Variants in MAPK10 observed in about 807,000 individuals in gnomAD.
MAPK10 encodes JNK3 alpha protein kinase.
MAPK10 carries 25 observed loss-of-function variants against 59.3 expected under a neutral mutation model. That is an observed-to-expected ratio of 0.42 (90% CI 0.31 to 0.59). The LOEUF (loss-of-function observed/expected upper bound fraction) is 0.59, where lower values mean the gene tolerates loss of function less well. Ranked by LOEUF, MAPK10 falls within the 20% of genes least tolerant of loss-of-function variation. The pLI, the probability that MAPK10 is intolerant of heterozygous loss-of-function variation, is 0.15. For missense variants in MAPK10, 351 were observed against 568.9 expected (o/e 0.62, Z 3.90); for synonymous variants, 190 against 200.5 (o/e 0.95, Z 0.44).
intron 9 of MAPK10, among the ~76,000 whole-genome samples, chr4:86,073,655 A>G (rs893742112): frequency 2.7e-5 from 3 of 110,724 alleles, no homozygotes; most frequent in Admixed American, 8.4e-5. Context: ...TTATGTACCC[A>G]GTAGTCATTC....
intron 2 of MAPK10, among the ~76,000 whole-genome samples, chr4:86,341,838 C>CCT (rs36101511): frequency 6.8e-6 from 1 of 148,066 alleles, no homozygotes; most frequent in African/African-American, 2.5e-5. Context: ...AAAAAAACAC[C>CCT]GGCAGCTACT....
intron 2 of MAPK10, chr4:86,327,518 T>C (rs1351017002): frequency 6.6e-6 from 1 of 152,082 alleles, no homozygotes; most frequent in Non-Finnish European, 1.5e-5. Context: ...ACTATCTTTT[T>C]TTTTTGCAAA....
intron 11 of MAPK10, among the ~76,000 whole-genome samples, chr4:86,040,258 A>G (rs2148937617): frequency 6.6e-6 from 1 of 152,316 alleles, no homozygotes; most frequent in Admixed American, 6.5e-5. Flanking sequence ...TTACAGGGAA[A>G]CAATTTCATA....
chr4:86,315,482 C>T (rs57869802), intron 2 of MAPK10, among the ~76,000 whole-genome samples: 46,198 of 151,862 alleles, frequency 0.3, 7,476 homozygotes, highest in Non-Finnish European at 0.37. Flanking sequence ...TTATGCATTA[C>T]ATGCCTGTAT....
chr4:86,343,248 A>T (rs552911939), intron 2 of MAPK10, among the ~76,000 whole-genome samples: 1 of 152,280 alleles, frequency 6.6e-6, no homozygotes, highest in South Asian at 2.1e-4. Flanking sequence ...CAGCTCCTCC[A>T]TGTTTAGTCT....
At chr4:86,518,253 C>A (rs1756851928) in intron 1 of MAPK10, among the ~76,000 whole-genome samples, 2 of 152,190 alleles carry the variant, frequency 1.3e-5, no homozygotes, top group Non-Finnish European at 2.9e-5. Context: ...GAAATCCTGG[C>A]CTCAAGTGAT....
At chr4:86,245,670 A>T (rs1225977124) in intron 2 of MAPK10, among the ~76,000 whole-genome samples, 1 of 152,064 alleles carries the variant, frequency 6.6e-6, no homozygotes, top group East Asian at 1.9e-4. Context: ...ACATATCTCT[A>T]TCTTTAGTTA....
intron 1 of MAPK10, among the ~76,000 whole-genome samples, chr4:86,425,578 G>A (rs1254525032): frequency 1.3e-5 from 2 of 152,054 alleles, no homozygotes; most frequent in Non-Finnish European, 2.9e-5. Flanking sequence ...CTTAGCCTAT[G>A]GATTCTCTTC....
At chr4:86,397,710 T>C (rs917698202) in intron 1 of MAPK10, among the ~76,000 whole-genome samples, 1 of 151,962 alleles carries the variant, frequency 6.6e-6, no homozygotes, top group Non-Finnish European at 1.5e-5. Context: ...TTTTTCTGTA[T>C]GTTAATAGGT....
rs933731562 is a variant in MAPK10, at chr4:86,139,001, A to T, written c.236+20297T>A. On this transcript the variant is annotated intron_variant, in intron 4 of 13. Transcript: ENST00000641462. ...GGATGTGAAGGACCTCTTCAAGGAG[A>T]ACTACAAACCACTGCTCAAAGAAAT... is the stretch of plus-strand genomic sequence containing the variant. Among the ~76,000 whole-genome samples, 200 of 62,960 alleles carry T rather than the reference A, an allele frequency of 3.2e-3. 54 individuals are homozygous for T. The highest frequency in any genetic ancestry group is 8.3e-3 in the Non-Finnish European group (165 of 19,798). The allele number at this position is 62,960 out of a possible 152,430, so 41.3% of individuals were successfully genotyped here. A position where few individuals can be genotyped will look rare whatever the true frequency, so the allele number is the denominator to read the frequency against.
intron 2 of MAPK10, among the ~76,000 whole-genome samples, chr4:86,256,462 T>G (rs1462648276): frequency 6.6e-6 from 1 of 152,124 alleles, no homozygotes; most frequent in Non-Finnish European, 1.5e-5. Flanking sequence ...TCTCTTTCTG[T>G]TTTGCTTATT....
rs1446409018 is a variant in MAPK10 at position 86,359,670 on chromosome 4, G to C, written c.-134C>G. On this transcript the variant is annotated 5_prime_UTR_variant, in exon 1 of 14. Transcript: ENST00000641462. Reference sequence around the variant, plus strand: ...AAGAGCCACCTACCATTCCGTGCCTGAGAACTACGATCCTGATCCGGCAGT... The same window carrying C: ...AAGAGCCACCTACCATTCCGTGCCTCAGAACTACGATCCTGATCCGGCAGT... The C allele has an allele frequency of 1.0e-6, 1 of 985,732 alleles. No individual in the cohort carries two copies. The allele number at this position is 985,732 out of a possible 1,614,324, so 61.1% of individuals were successfully genotyped here.
At chr4:86,260,441 T>C (rs1467789304) in intron 2 of MAPK10, among the ~76,000 whole-genome samples, 1 of 152,138 alleles carries the variant, frequency 6.6e-6, no homozygotes, top group Non-Finnish European at 1.5e-5. Flanking sequence ...CTAAATAAAT[T>C]TGAGAATCTC....
At chr4:86,495,806 C>A (rs1427344430) in intron 1 of MAPK10, among the ~76,000 whole-genome samples, 1 of 152,026 alleles carries the variant, frequency 6.6e-6, no homozygotes, top group East Asian at 1.9e-4. Context: ...ATTACATCTC[C>A]TTGGTATTTT....
chr4:86,473,426 G>T (rs1424965021), intron 1 of MAPK10, among the ~76,000 whole-genome samples: 2 of 152,110 alleles, frequency 1.3e-5, no homozygotes, highest in Non-Finnish European at 2.9e-5. Context: ...GTATAGAAAG[G>T]TTTTTTATTT....
chr4:86,207,789 C>A (rs7684570), intron 2 of MAPK10, among the ~76,000 whole-genome samples: 12,901 of 152,000 alleles, frequency 0.085, 1,217 homozygotes, highest in African/African-American at 0.23. Flanking sequence ...ATTCCTAGGT[C>A]TTTTATTCTC....
At chr4:86,531,028 A>G (rs1757814773) in intron 1 of MAPK10, among the ~76,000 whole-genome samples, 2 of 152,214 alleles carry the variant, frequency 1.3e-5, no homozygotes, top group Non-Finnish European at 2.9e-5. Flanking sequence ...AGAAGAAATC[A>G]TAGCAAAAGT....
intron 11 of MAPK10, among the ~76,000 whole-genome samples, chr4:86,052,263 T>C (rs970658611): frequency 6.6e-6 from 1 of 152,170 alleles, no homozygotes; most frequent in Non-Finnish European, 1.5e-5. Flanking sequence ...AAAACGTGTA[T>C]TAAATCTTTT....
chr4:86,590,275 A>G (rs1762943021), intron 1 of MAPK10, among the ~76,000 whole-genome samples: 1 of 152,164 alleles, frequency 6.6e-6, no homozygotes, highest in Non-Finnish European at 1.5e-5. Context: ...CCTGAATGAT[A>G]CACATCATCC....
Sources: allele counts gnomAD v4.1 joint callset (sites outside exome capture counted in the v4.1 genomes callset), GRCh38; gene constraint gnomAD v4.1.1; transcripts MANE v1.5; gene names NCBI Gene and HGNC (gene_info 2026-07-23, HGNC 2026-07-21).